HDAC2: variants seen among roughly 807,000 people sequenced by gnomAD.
HDAC2 encodes YY1-associated factor 1.
HDAC2 carries 5 observed loss-of-function variants against 68.5 expected under a neutral mutation model. The observed-to-expected ratio is 0.07, with a 90% CI of 0.04 to 0.15. The LOEUF (loss-of-function observed/expected upper bound fraction) is 0.15, where lower values mean the gene tolerates loss of function less well. Among genes scored for constraint, HDAC2 ranks in the 10% least tolerant of loss-of-function variants. The pLI is 1.00. For synonymous variants in HDAC2, 182 were observed against 191.3 expected, an observed-to-expected ratio of 0.95 and a Z score of 0.40; for missense variants, 291 against 600.8, an observed-to-expected ratio of 0.48 and a Z score of 5.39.
At chr6:113,953,886 AC>A (rs1414647827) in intron 5 of HDAC2, among the ~76,000 whole-genome samples, 35 of 152,248 alleles carry the variant, frequency 2.3e-4, no homozygotes, top group Admixed American at 3.3e-4. Flanking sequence ...CAAAACCAAA[AC>A]AAGAGTATTT....
chr6:113,954,362 C>T (rs1212135248), intron 5 of HDAC2, among the ~76,000 whole-genome samples: 1 of 152,008 alleles, frequency 6.6e-6, no homozygotes, highest in Non-Finnish European at 1.5e-5. Context: ...AAACAGCATA[C>T]CATAGTACAG....
In HDAC2 at chr6:113,971,038, G is replaced by C; in HGVS notation, c.-130C>G. On this transcript the variant is annotated 5_prime_UTR_variant, in exon 1 of 14. Transcript: ENST00000519065. Reference sequence around the variant, plus strand: ...GGGGGCGATAGTCCCGCGGGGAAGGGCAGGCCGGTGGGAGGAGAGGAGGGG... The same window carrying C: ...GGGGGCGATAGTCCCGCGGGGAAGGCCAGGCCGGTGGGAGGAGAGGAGGGG... 2.5e-6 allele frequency: 4 copies of C among 1,571,700 alleles called. No individual in the cohort carries two copies. The highest frequency in any genetic ancestry group is 3.5e-6 in the Non-Finnish European group (4 of 1,157,602).
At chr6:113,959,828 A>G (rs1046321975) in intron 2 of HDAC2, 78 bp downstream of exon 2, 23 of 697,680 alleles carry the variant, frequency 3.3e-5, no homozygotes, top group Admixed American at 1.2e-4. Context: ...CAAAAGGGGA[A>G]TAATAGACAA....
At chr6:113,967,224 G>A (rs929071853) in intron 1 of HDAC2, among the ~76,000 whole-genome samples, 4 of 152,130 alleles carry the variant, frequency 2.6e-5, no homozygotes, top group Non-Finnish European at 4.4e-5. Flanking sequence ...CACCTCCTGG[G>A]TTCAAGCCAT....
intron 6 of HDAC2, among the ~76,000 whole-genome samples, chr6:113,952,449 T>C (rs781203069): frequency 2.6e-5 from 4 of 152,222 alleles, no homozygotes; most frequent in Non-Finnish European, 5.9e-5. Context: ...TTAAGAATAC[T>C]TTATGGCAAC....
At chr6:113,945,319 G>A (rs769436778) in intron 10 of HDAC2, 43 bp downstream of exon 10, 12 of 932,616 alleles carry the variant, frequency 1.3e-5, no homozygotes, top group Non-Finnish European at 1.9e-5. Flanking sequence ...CTAAATCTTT[G>A]TCAAGATAAA....
chr6:113,966,595 C>A (rs1776826748), intron 1 of HDAC2, among the ~76,000 whole-genome samples: 1 of 149,374 alleles, frequency 6.7e-6, no homozygotes, highest in African/African-American at 2.5e-5. Flanking sequence ...ATAATTTATT[C>A]ATCACTAATT....
chr6:113,945,986 A>G, intron 9 of HDAC2, 22 bp downstream of exon 9: 1 of 1,565,128 alleles, frequency 6.4e-7, no homozygotes, highest in Non-Finnish European at 8.8e-7. Context: ...TACAATAAAG[A>G]TATTGTAATG....
chr6:113,966,089 C>T (rs188416569), intron 1 of HDAC2, among the ~76,000 whole-genome samples: 3 of 152,312 alleles, frequency 2.0e-5, no homozygotes, highest in Admixed American at 6.5e-5. Context: ...ATTAAAACTA[C>T]AGTCAGTGTG....
At chr6:113,941,641 C>T (rs926632120) in intron 13 of HDAC2, 67 bp downstream of exon 13, 8 of 603,776 alleles carry the variant, frequency 1.3e-5, no homozygotes, top group Non-Finnish European at 2.3e-5. Context: ...TACACAAACA[C>T]ACACCAATAA....
At chr6:113,945,271 G>GCATACTAAAATTT (rs1374603585) in intron 10 of HDAC2, 91 bp downstream of exon 10, 1 of 532,580 alleles carries the variant, frequency 1.9e-6, no homozygotes, top group Non-Finnish European at 3.4e-6. Context: ...ATCTAATAAA[G>GCATACTAAAATTT]TTAAAAAGAC....
intron 1 of HDAC2, chr6:113,970,512 G>A (rs1217577191): frequency 8.5e-7 from 1 of 1,176,244 alleles, no homozygotes; most frequent in African/African-American, 1.6e-5. Context: ...CGGGAGAAGG[G>A]AGAGAATGGG....
intron 2 of HDAC2, chr6:113,959,488 T>G: frequency 6.5e-6 from 1 of 153,418 alleles, no homozygotes; most frequent in Non-Finnish European, 1.4e-5. Context: ...GTATTCCATA[T>G]GTATTATATG....
chr6:113,946,371 G>C (rs1022888543), intron 8 of HDAC2: 1 of 353,246 alleles, frequency 2.8e-6, no homozygotes, highest in African/African-American at 2.1e-5. Flanking sequence ...AGCTATTTTA[G>C]CAGGTGTCCC....
rs558852419 is a variant in HDAC2 at position 113,935,307 on chromosome 6, G to A, written c.*5751C>T. 1 of 152,200 alleles carries A rather than the reference G, an allele frequency of 6.6e-6. No individual in the cohort carries two copies. 9.4% of individuals were successfully genotyped at this position (152,200 alleles called of 1,614,324 possible). On this transcript the variant is annotated 3_prime_UTR_variant, in exon 14 of 14. Coordinates refer to ENST00000519065, the MANE Select transcript of HDAC2 (RefSeq NM_001527.4). ...TTAAATCAAACATTATTTGTTGCCA[G>A]AAGTGTAATGACTTTTTGTTGGTAT...
chr6:113,970,574 C>G (rs1423783562), intron 1 of HDAC2: 5 of 1,257,402 alleles, frequency 4.0e-6, no homozygotes, highest in Non-Finnish European at 5.0e-6. Context: ...GGCGCCGTCC[C>G]CAGCGGCGGC....
Position 113,940,751 on chromosome 6 carries a change from A to G in HDAC2, c.*307T>C, listed in dbSNP as rs1411020570. 1 of 258,758 alleles carries G rather than the reference A, an allele frequency of 3.9e-6. No homozygotes were observed. Among genetic ancestry groups the G allele is most frequent in the Admixed American group, 5.0e-5 (1 of 19,902 alleles). 16.0% of individuals were successfully genotyped at this position (258,758 alleles called of 1,614,324 possible). A position where few individuals can be genotyped will look rare whatever the true frequency, so the allele number is the denominator to read the frequency against. On this transcript the variant is annotated 3_prime_UTR_variant, in exon 14 of 14. Coordinates refer to ENST00000519065, the MANE Select transcript of HDAC2 (RefSeq NM_001527.4). Reference sequence around the variant, plus strand: ...AATTTTTTAATAAAGATAATTACAAAAGATGGAAAAATCAGCTCAGAAAGG... The same window carrying G: ...AATTTTTTAATAAAGATAATTACAAGAGATGGAAAAATCAGCTCAGAAAGG...
chr6:113,945,024 A>T (rs950939053), intron 10 of HDAC2, among the ~76,000 whole-genome samples: 1 of 152,080 alleles, frequency 6.6e-6, no homozygotes, highest in Non-Finnish European at 1.5e-5. Flanking sequence ...ATTTCAACTA[A>T]TAAAAAAAAT....
chr6:113,970,392 C>A, intron 1 of HDAC2: 7 of 938,424 alleles, frequency 7.5e-6, no homozygotes, highest in Non-Finnish European at 8.9e-6. Flanking sequence ...GGCCGCGGGG[C>A]TTTGTGTAGA....
Sources: gnomAD v4.1 joint callset for allele counts (sites outside exome capture counted in the v4.1 genomes callset) on GRCh38, gnomAD v4.1.1 for gene constraint, MANE v1.5 for transcripts, NCBI Gene and HGNC (gene_info 2026-07-23, HGNC 2026-07-21) for gene names.